UBE2D3: variants seen among roughly 807,000 people sequenced by gnomAD.
UBE2D3 encodes ubiquitin conjugating enzyme E2 D3, also known as ubiquitin-conjugating enzyme E2 D3.
Under a neutral mutation model 22.8 loss-of-function variants are expected in UBE2D3, and 2 were observed. The observed-to-expected ratio is 0.09, with a 90% CI of 0.04 to 0.28. The LOEUF is 0.28. Ranked by LOEUF, UBE2D3 falls within the 10% of genes least tolerant of loss-of-function variation. The pLI, the probability that UBE2D3 is intolerant of heterozygous loss-of-function variation, is 1.00. For synonymous variants in UBE2D3, 56 were observed against 60.4 expected (o/e 0.93, Z 0.34); for missense variants, 27 against 182.5 (o/e 0.15, Z 4.91).
In UBE2D3 at chr4:102,796,237, T is replaced by TA. The variant is rs1443123753; in HGVS notation, c.*1177dup. 1.3e-5 allele frequency: 2 copies of TA among 152,396 alleles called. No individual in the cohort carries two copies. The highest frequency in any genetic ancestry group is 4.8e-5 in the African/African-American group (2 of 41,412). The allele number at this position is 152,396 out of a possible 1,614,324, so 9.4% of individuals were successfully genotyped here. On this transcript the variant is annotated 3_prime_UTR_variant, in exon 8 of 8. Coordinates refer to ENST00000453744, the MANE Select transcript of UBE2D3 (RefSeq NM_181891.3). ...GTACAAGGTGAAGAGAAATTTCAGTTAGACAGGGGCTGCACCTGGAAAATA... is the reference window on the plus strand; with the variant it reads ...GTACAAGGTGAAGAGAAATTTCAGTTAAGACAGGGGCTGCACCTGGAAAATA...
intron 2 of UBE2D3, 83 bp downstream of exon 2, chr4:102,826,402 C>G: frequency 6.5e-6 from 10 of 1,542,002 alleles, no homozygotes; most frequent in South Asian, 1.1e-5. Flanking sequence ...CAGAATTATG[C>G]TTCCTTCCCA....
chr4:102,800,083 T>C (rs223431), intron 6 of UBE2D3, among the ~76,000 whole-genome samples: 2 of 152,040 alleles, frequency 1.3e-5, no homozygotes, highest in African/African-American at 2.4e-5. Context: ...CCTTAACCAG[T>C]TCAACATACT....
intron 1 of UBE2D3, among the ~76,000 whole-genome samples, chr4:102,843,041 C>T (rs1731847968): frequency 6.6e-6 from 1 of 152,056 alleles, no homozygotes; most frequent in East Asian, 1.9e-4. Context: ...ACCTGGGAGG[C>T]AGAGGTTGCA....
At chr4:102,802,770 C>T (rs1726398954) in intron 4 of UBE2D3, 132 bp from the exon 5 acceptor site, 4 of 558,748 alleles carry the variant, frequency 7.2e-6, no homozygotes, top group Non-Finnish European at 1.2e-5. Flanking sequence ...TAATCTATTC[C>T]ATGAAAATTC....
chr4:102,841,077 A>G (rs1372310847), intron 1 of UBE2D3, among the ~76,000 whole-genome samples: 1 of 152,122 alleles, frequency 6.6e-6, no homozygotes, highest in Non-Finnish European at 1.5e-5. Flanking sequence ...GGACCTAACA[A>G]ATAATCTTTA....
At chr4:102,836,339 G>T (rs1731400768) in intron 1 of UBE2D3, among the ~76,000 whole-genome samples, 1 of 151,774 alleles carries the variant, frequency 6.6e-6, no homozygotes, top group African/African-American at 2.4e-5. Flanking sequence ...TAGAGACGGG[G>T]TTTCACCATG....
At chr4:102,809,907 A>C (rs1192574611) in intron 2 of UBE2D3, 52 bp from the exon 3 acceptor site, 1 of 1,527,176 alleles carries the variant, frequency 6.5e-7, no homozygotes, top group East Asian at 2.3e-5. Context: ...TTAAGAAAAC[A>C]AGCAAATGAG....
chr4:102,854,601 C>T (rs940692082), intron 1 of UBE2D3, among the ~76,000 whole-genome samples: 2 of 152,200 alleles, frequency 1.3e-5, no homozygotes, highest in African/African-American at 4.8e-5. Context: ...TCTGCTTTGT[C>T]TGACAATATA....
At chr4:102,866,478 T>C (rs1010980663) in intron 1 of UBE2D3, among the ~76,000 whole-genome samples, 3 of 152,200 alleles carry the variant, frequency 2.0e-5, no homozygotes, top group African/African-American at 7.2e-5. Flanking sequence ...AACGCCTCTA[T>C]TGAACATTCT....
chr4:102,811,517 A>G, intron 2 of UBE2D3: 1 of 243,282 alleles, frequency 4.1e-6, no homozygotes, highest in Non-Finnish European at 8.0e-6. Flanking sequence ...CCCCATCTCT[A>G]CTAACATCAC....
rs1276207001 is a variant in UBE2D3, at chr4:102,796,998, C to T, written c.*417G>A. On this transcript the variant is annotated 3_prime_UTR_variant, in exon 8 of 8. Transcript: ENST00000453744. ...AAGGCTTAAACAAGAATGGATGCTG[C>T]TAGAATAATGCTGTATCCTTTGATG... 1 of 158,182 alleles carries T rather than the reference C, an allele frequency of 6.3e-6. No individual in the cohort carries two copies. Among genetic ancestry groups the T allele is most frequent in the Non-Finnish European group, 1.4e-5 (1 of 71,474 alleles). 9.8% of individuals were successfully genotyped at this position (158,182 alleles called of 1,614,324 possible).
chr4:102,851,290 A>G (rs1041241445), intron 1 of UBE2D3, among the ~76,000 whole-genome samples: 2 of 152,140 alleles, frequency 1.3e-5, no homozygotes, highest in African/African-American at 4.8e-5. Flanking sequence ...ACTTTGTACA[A>G]CTTCTTAGAC....
At chr4:102,802,870 TAA>T (rs1162685691) in intron 4 of UBE2D3, among the ~76,000 whole-genome samples, 6 of 152,230 alleles carry the variant, frequency 3.9e-5, no homozygotes, top group South Asian at 2.1e-4. Context: ...AATGTTTTTT[TAA>T]AAAGTTATCC....
intron 1 of UBE2D3, chr4:102,827,025 C>T (rs929083964): frequency 9.7e-5 from 96 of 993,702 alleles, no homozygotes; most frequent in Non-Finnish European, 1.1e-4. Flanking sequence ...GGACGCCGGG[C>T]TGCTTTCGGT....
intron 1 of UBE2D3, among the ~76,000 whole-genome samples, chr4:102,837,879 G>A (rs1044671157): frequency 6.6e-6 from 1 of 152,186 alleles, no homozygotes; most frequent in Non-Finnish European, 1.5e-5. Context: ...GTGTGAACCC[G>A]GGAGGCGGAG....
chr4:102,851,898 AC>A (rs369143662), intron 1 of UBE2D3, among the ~76,000 whole-genome samples: 1,809 of 151,010 alleles, frequency 0.012, 21 homozygotes, highest in African/African-American at 0.036. Flanking sequence ...CGAACTCCTG[AC>A]CCTCAGGTGA....
At chr4:102,868,573 TGAA>T (rs1249766241) in intron 1 of UBE2D3, 1 of 994,204 alleles carries the variant, frequency 1.0e-6, no homozygotes, top group Non-Finnish European at 1.6e-6. Flanking sequence ...GGCCTTTGGG[TGAA>T]GGAGTAAAAT....
chr4:102,824,083 G>C (rs183054762), intron 2 of UBE2D3, among the ~76,000 whole-genome samples: 142 of 152,292 alleles, frequency 9.3e-4, no homozygotes, highest in Non-Finnish European at 1.4e-3. Flanking sequence ...GTTGCCTCAT[G>C]TGATTTTAAC....
chr4:102,834,959 C>G (rs1731311734), intron 1 of UBE2D3, among the ~76,000 whole-genome samples: 1 of 151,904 alleles, frequency 6.6e-6, no homozygotes, highest in South Asian at 2.1e-4. Flanking sequence ...TTGAACTTGC[C>G]CACACAGATT....
Sources: gnomAD v4.1 joint callset for allele counts (sites outside exome capture counted in the v4.1 genomes callset) on GRCh38, gnomAD v4.1.1 for gene constraint, MANE v1.5 for transcripts, NCBI Gene and HGNC (gene_info 2026-07-23, HGNC 2026-07-21) for gene names.